Variants in RNF38 observed in about 807,000 individuals in gnomAD.
The protein encoded by RNF38 is ring finger protein 38.
Under a neutral mutation model 67.2 loss-of-function variants are expected in RNF38, and 15 were observed. That is an observed-to-expected ratio of 0.22 (90% CI 0.15 to 0.34). The LOEUF (loss-of-function observed/expected upper bound fraction) is 0.34, where lower values mean the gene tolerates loss of function less well. Among genes scored for constraint, RNF38 ranks in the 10% least tolerant of loss-of-function variants. RNF38 has a pLI of 1.00. For synonymous variants in RNF38, 220 were observed against 218.8 expected, an observed-to-expected ratio of 1.01 and a Z score of -0.05; for missense variants, 524 against 639.9, an observed-to-expected ratio of 0.82 and a Z score of 1.95.
At chr9:36,406,231 T>A (rs73648755) in intron 2 of RNF38, among the ~76,000 whole-genome samples, 2 of 152,244 alleles carry the variant, frequency 1.3e-5, no homozygotes, top group African/African-American at 4.8e-5. Context: ...TTGAAAGGCA[T>A]GATTCAACAG....
At chr9:36,453,881 T>G (rs1424782140) in intron 1 of RNF38, among the ~76,000 whole-genome samples, 5 of 152,166 alleles carry the variant, frequency 3.3e-5, no homozygotes, top group Admixed American at 6.5e-5. Flanking sequence ...CGATTAGAGA[T>G]TCATACTGAA....
At chr9:36,355,757 C>T (rs912449768) in intron 6 of RNF38, among the ~76,000 whole-genome samples, 1 of 151,974 alleles carries the variant, frequency 6.6e-6, no homozygotes, top group Non-Finnish European at 1.5e-5. Context: ...TTTAAGAAAC[C>T]AGAAATTTAA....
intron 1 of RNF38, among the ~76,000 whole-genome samples, chr9:36,453,855 ATAG>A: frequency 6.6e-6 from 1 of 152,244 alleles, no homozygotes; most frequent in East Asian, 1.9e-4. Context: ...TGATAATGAC[ATAG>A]TAGTCATGTA....
chr9:36,455,334 T>A (rs1003735629), intron 1 of RNF38, among the ~76,000 whole-genome samples: 1 of 151,350 alleles, frequency 6.6e-6, no homozygotes, highest in African/African-American at 2.4e-5. Context: ...AGTGCTGGGA[T>A]TACAGGCATT....
At chr9:36,478,898 C>T (rs1462649098) in intron 1 of RNF38, among the ~76,000 whole-genome samples, 1 of 151,176 alleles carries the variant, frequency 6.6e-6, no homozygotes, top group African/African-American at 2.4e-5. Context: ...TGTGGGCAAT[C>T]AATCATTCTG....
At chr9:36,397,071 ATG>A (rs143606597) in intron 1 of RNF38, among the ~76,000 whole-genome samples, 1 of 140,138 alleles carries the variant, frequency 7.1e-6, no homozygotes, top group Non-Finnish European at 1.5e-5. Context: ...ACGTATATAT[ATG>A]TGTGTGTGTA....
chr9:36,339,699 G>A lies in RNF38; in HGVS notation c.*53C>T, dbSNP rs79193527. 8.0e-3 allele frequency: 11,066 copies of A among 1,391,878 alleles called. 65 individuals are homozygous for A. Among genetic ancestry groups the A allele is most frequent in the Non-Finnish European group, 0.01 (10,016 of 986,260 alleles). The allele number at this position is 1,391,878 out of a possible 1,614,324, so 86.2% of individuals were successfully genotyped here. A position where few individuals can be genotyped will look rare whatever the true frequency, so the allele number is the denominator to read the frequency against. On this transcript the variant is annotated 3_prime_UTR_variant, in exon 12 of 12. Transcript: ENST00000259605. ...ACAGATTAAGTTCAATGGATAGTCC[G>A]TATATACATGTGATGAGGAACACCC... is the stretch of plus-strand genomic sequence containing the variant.
upstream of RNF38, among the ~76,000 whole-genome samples, chr9:36,402,864 T>C (rs1320135580): frequency 1.3e-5 from 2 of 152,210 alleles, no homozygotes; most frequent in Non-Finnish European, 2.9e-5. Context: ...TTTTATTTTT[T>C]TTGTATTTTG....
chr9:36,354,813 T>C (rs1004672771), intron 6 of RNF38, among the ~76,000 whole-genome samples: 1 of 152,242 alleles, frequency 6.6e-6, no homozygotes, highest in East Asian at 1.9e-4. Flanking sequence ...CTTCTTCCCT[T>C]AGTTACAGAA....
intron 1 of RNF38, among the ~76,000 whole-genome samples, chr9:36,479,215 G>A (rs1388688195): frequency 6.6e-6 from 1 of 152,112 alleles, no homozygotes; most frequent in Non-Finnish European, 1.5e-5. Flanking sequence ...CCACTACTTG[G>A]TTGTGCCTAG....
chr9:36,434,574 A>C (rs984466972), intron 1 of RNF38, among the ~76,000 whole-genome samples: 9 of 152,230 alleles, frequency 5.9e-5, no homozygotes, highest in Admixed American at 5.9e-4. Context: ...TTTTTAGTAA[A>C]GATGGGGTTT....
chr9:36,476,949 T>C (rs150443061), intron 1 of RNF38, among the ~76,000 whole-genome samples: 73 of 152,256 alleles, frequency 4.8e-4, no homozygotes, highest in Admixed American at 9.2e-4. Context: ...CTGTACACCA[T>C]AGACGTAAAT....
Position 36,340,464 on chromosome 9 carries a change from G to C in RNF38, c.1486-650C>G, listed in dbSNP as rs575163145. Among the ~76,000 whole-genome samples the C allele has an allele frequency of 2.6e-3, 394 of 152,266 alleles. 2 individuals are homozygous for C. Among genetic ancestry groups the C allele is most frequent in the African/African-American group, 9.2e-3 (383 of 41,564 alleles). On this transcript the variant is annotated intron_variant, in intron 11 of 11. Coordinates refer to ENST00000259605, the MANE Select transcript of RNF38 (RefSeq NM_022781.5). The stretch of plus-strand genomic sequence containing the variant: ...AGTGGCATGACTACAGCTCACTACA[G>C]ACTTGAACTCCTGGGCCTAAGTGAT...
At chr9:36,425,010 C>T (rs191498785) in intron 1 of RNF38, among the ~76,000 whole-genome samples, 2 of 152,324 alleles carry the variant, frequency 1.3e-5, no homozygotes, top group African/African-American at 4.8e-5. Context: ...ATAAGGCAAA[C>T]TCTTATTTAT....
upstream of RNF38, among the ~76,000 whole-genome samples, chr9:36,404,086 C>G (rs1320682630): frequency 7.1e-6 from 1 of 140,276 alleles, no homozygotes; most frequent in Non-Finnish European, 1.6e-5. Flanking sequence ...ATTATTTTCT[C>G]TTTTCCATTT....
In RNF38 at chr9:36,369,832, G is replaced by C; in HGVS notation, c.457C>G (p.Gln153Glu). ...AAGGCTCGAGGCTCCTCTATTGCTT[G>C]CTGCTGTGCGTAAGGGAGATGGTGA... ...NYHHLPYAQQ[Q>E]AIEEPRAFHP... The change falls in exon 4 of 12, where the codon CAA becomes GAA. Residue 153 changes from glutamine to glutamate, a missense_variant. By Grantham distance (29) the Gln-to-Glu change is conservative (BLOSUM62 2). Transcript: ENST00000259605. The C allele has an allele frequency of 6.2e-7, 1 of 1,613,936 alleles. No individual in the cohort carries two copies. Among genetic ancestry groups the C allele is most frequent in the East Asian group, 2.2e-5 (1 of 44,872 alleles).
chr9:36,473,999 A>C (rs1224884435), intron 1 of RNF38, among the ~76,000 whole-genome samples: 3 of 136,488 alleles, frequency 2.2e-5, no homozygotes, highest in Admixed American at 7.6e-5. Flanking sequence ...AAAAAAAAAA[A>C]AAAAAACCCT....
At chr9:36,350,680 G>A (rs539806078) in intron 9 of RNF38, among the ~76,000 whole-genome samples, 1 of 152,162 alleles carries the variant, frequency 6.6e-6, no homozygotes, top group Non-Finnish European at 1.5e-5. Flanking sequence ...GGAATTGTAC[G>A]TAATTCTAAT....
At chr9:36,422,238 TAAACAAAC>T (rs572681613) in intron 2 of RNF38, among the ~76,000 whole-genome samples, 7 of 150,696 alleles carry the variant, frequency 4.6e-5, no homozygotes, top group Non-Finnish European at 8.9e-5. Flanking sequence ...CTCAAAATAA[TAAACAAAC>T]AAACAAACAA....
Sources: allele counts gnomAD v4.1 joint callset (sites outside exome capture counted in the v4.1 genomes callset), GRCh38; gene constraint gnomAD v4.1.1; transcripts MANE v1.5; gene names NCBI Gene and HGNC (gene_info 2026-07-23, HGNC 2026-07-21).